PLCB4: variants seen among roughly 807,000 people sequenced by gnomAD.
The protein encoded by PLCB4 is 1-phosphatidylinositol 4,5-bisphosphate phosphodiesterase beta-4.
Under a neutral mutation model 178.8 loss-of-function variants are expected in PLCB4, and 77 were observed. The ratio of observed to expected loss-of-function variants is 0.43; its 90% CI spans 0.36 to 0.52. PLCB4 has a LOEUF of 0.52. Ranked by LOEUF, PLCB4 falls within the 20% of genes least tolerant of loss-of-function variation. The probability of loss-of-function intolerance (pLI) is 0.00; values close to 1 mark genes in which losing one functional copy is unlikely to be tolerated. For synonymous variants in PLCB4, 496 were observed against 490.8 expected (o/e 1.01, Z -0.14); for missense variants, 1,024 against 1,453.4 (o/e 0.70, Z 4.80).
At chr20:9,467,598 G>T (rs2122585647) in intron 35 of PLCB4, among the ~76,000 whole-genome samples, 1 of 152,240 alleles carries the variant, frequency 6.6e-6, no homozygotes, top group Middle Eastern at 3.4e-3. Flanking sequence ...GCAACGTTTG[G>T]TCATTGGTGT....
In PLCB4 at chr20:9,298,386, T is replaced by C. The variant is rs1020043756; in HGVS notation, c.-15-9414T>C. On this transcript the variant is annotated intron_variant, in intron 3 of 39. Transcript: ENST00000378473. ...TCTCTTGTTAACCTGTCTTTTGTTA[T>C]AGAGGGTCTCAGACATGAACTTTGT... Among the ~76,000 whole-genome samples, 6 of 152,274 alleles carry C rather than the reference T, an allele frequency of 3.9e-5. No individual in the cohort carries two copies. In the East Asian group the frequency reaches 1.2e-3, roughly 29 times the overall value.
At chr20:9,300,435 T>C (rs1372844576) in intron 3 of PLCB4, among the ~76,000 whole-genome samples, 2 of 152,178 alleles carry the variant, frequency 1.3e-5, no homozygotes, top group Non-Finnish European at 2.9e-5. Flanking sequence ...CTATATGTTA[T>C]CAAGTAGAAG....
chr20:9,473,130 G>A lies in PLCB4; in HGVS notation c.3409-149G>A, dbSNP rs559988811. The A allele has an allele frequency of 2.6e-3, 1,427 of 543,406 alleles. 19 individuals are homozygous for A. The highest frequency in any genetic ancestry group is 0.025 in the South Asian group (754 of 30,646). 33.7% of individuals were successfully genotyped at this position (543,406 alleles called of 1,614,324 possible). On this transcript the variant is annotated intron_variant, in intron 37 of 39. Coordinates refer to ENST00000378473, the MANE Select transcript of PLCB4 (RefSeq NM_001377142.1). ...GAAAGATCTTCCCAGAAATAATTAT[G>A]AGTTTAAACTCTCCAAATTTTGAGA... is the stretch of plus-strand genomic sequence containing the variant.
chr20:9,403,808 A>G (rs960105171), intron 20 of PLCB4, among the ~76,000 whole-genome samples: 2 of 152,340 alleles, frequency 1.3e-5, no homozygotes, highest in Non-Finnish European at 2.9e-5. Context: ...AAACCTTTAG[A>G]ATAGGTAAAG....
chr20:9,256,212 G>A (rs1001869344), intron 3 of PLCB4, among the ~76,000 whole-genome samples: 2 of 152,144 alleles, frequency 1.3e-5, no homozygotes, highest in African/African-American at 4.8e-5. Context: ...CTTGTAACAA[G>A]ATCAGAGGTA....
chr20:9,468,362 A>G (rs577895981), intron 35 of PLCB4, among the ~76,000 whole-genome samples: 18 of 152,072 alleles, frequency 1.2e-4, no homozygotes, highest in Non-Finnish European at 1.6e-4. Flanking sequence ...GTTTTTTTCC[A>G]TGCTTAAATT....
chr20:9,342,999 C>T (rs1429474185), intron 7 of PLCB4, among the ~76,000 whole-genome samples: 6 of 152,084 alleles, frequency 3.9e-5, no homozygotes, highest in Non-Finnish European at 7.4e-5. Flanking sequence ...CCATGGTAGA[C>T]ATGTAAGGTG....
intron 2 of PLCB4, among the ~76,000 whole-genome samples, chr20:9,124,779 A>AT (rs1439971596): frequency 1.3e-5 from 2 of 152,098 alleles, no homozygotes; most frequent in Non-Finnish European, 2.9e-5. Context: ...AATATTCCTG[A>AT]TCCCTTTTAA....
intron 2 of PLCB4, among the ~76,000 whole-genome samples, chr20:9,149,802 A>C (rs6056430): frequency 0.13 from 20,144 of 152,136 alleles, 1,715 homozygotes; most frequent in South Asian, 0.26. Context: ...TCCCAACTGG[A>C]GGTTGGTGTG....
At chr20:9,436,470 G>C (rs1418786230) in intron 29 of PLCB4, among the ~76,000 whole-genome samples, 1 of 152,120 alleles carries the variant, frequency 6.6e-6, no homozygotes, top group Admixed American at 6.6e-5. Flanking sequence ...TTCCACCTCA[G>C]CCTCCTCAGC....
At chr20:9,343,641 C>T (rs1240791414) in intron 7 of PLCB4, among the ~76,000 whole-genome samples, 1 of 152,162 alleles carries the variant, frequency 6.6e-6, no homozygotes, top group South Asian at 2.1e-4. Context: ...AGAGTAAATA[C>T]GTTTGTGTTG....
intron 3 of PLCB4, among the ~76,000 whole-genome samples, chr20:9,227,287 A>G (rs1031831089): frequency 2.6e-5 from 4 of 151,542 alleles, no homozygotes; most frequent in African/African-American, 9.7e-5. Context: ...ACATCTTTTG[A>G]TACACAAAAG....
At chr20:9,336,143 A>T (rs879649485) in intron 4 of PLCB4, among the ~76,000 whole-genome samples, 6 of 152,168 alleles carry the variant, frequency 3.9e-5, no homozygotes, top group Non-Finnish European at 8.8e-5. Flanking sequence ...TGGCATTGAA[A>T]TGATCTAGGA....
chr20:9,299,861 CA>C (rs1375638002), intron 3 of PLCB4, among the ~76,000 whole-genome samples: 1 of 151,868 alleles, frequency 6.6e-6, no homozygotes, highest in East Asian at 1.9e-4. Flanking sequence ...AAATGTATTA[CA>C]AAATTCTTTT....
chr20:9,077,865 T>C (rs1317370247), intron 1 of PLCB4, among the ~76,000 whole-genome samples: 1 of 152,272 alleles, frequency 6.6e-6, no homozygotes, highest in Non-Finnish European at 1.5e-5. Context: ...AAATACTAGT[T>C]ATTTAAGAAT....
At chr20:9,269,856 A>C (rs1033273850) in intron 3 of PLCB4, among the ~76,000 whole-genome samples, 3 of 152,130 alleles carry the variant, frequency 2.0e-5, no homozygotes, top group Non-Finnish European at 1.5e-5. Flanking sequence ...TTCCTCTAAA[A>C]CCTGTATCTG....
chr20:9,251,325 A>C (rs946254544), intron 3 of PLCB4, among the ~76,000 whole-genome samples: 16 of 152,222 alleles, frequency 1.1e-4, no homozygotes, highest in Non-Finnish European at 8.8e-5. Flanking sequence ...TTAGGATTTC[A>C]GTCCCCATCC....
intron 3 of PLCB4, among the ~76,000 whole-genome samples, chr20:9,264,637 A>G (rs1012735768): frequency 2.0e-5 from 3 of 152,192 alleles, no homozygotes; most frequent in African/African-American, 7.2e-5. Context: ...ATTTATCAAA[A>G]CAGTTTCATT....
At chr20:9,203,076 T>C (rs1032834589) in intron 2 of PLCB4, among the ~76,000 whole-genome samples, 19 of 146,742 alleles carry the variant, frequency 1.3e-4, no homozygotes, top group Non-Finnish European at 3.0e-5. Flanking sequence ...TATATATATA[T>C]ATATGACAAA....
Sources: gnomAD v4.1 joint callset for allele counts (sites outside exome capture counted in the v4.1 genomes callset) on GRCh38, gnomAD v4.1.1 for gene constraint, MANE v1.5 for transcripts, NCBI Gene and HGNC (gene_info 2026-07-23, HGNC 2026-07-21) for gene names.